IFIT2: variants seen among roughly 807,000 people sequenced by gnomAD.
IFIT2 encodes interferon induced protein with tetratricopeptide repeats 2, also known as interferon-induced protein with tetratricopeptide repeats 2.
In IFIT2, 3 loss-of-function variants were observed where a neutral mutation model predicts 2.5. That is an observed-to-expected ratio of 1.21 (90% CI 0.55 to 3.14). The LOEUF (loss-of-function observed/expected upper bound fraction) is 3.14, where lower values mean the gene tolerates loss of function less well. Ranked by LOEUF, IFIT2 falls within the 30% of genes most tolerant of loss-of-function variation. The pLI, the probability that IFIT2 is intolerant of heterozygous loss-of-function variation, is 0.03. For synonymous variants in IFIT2, 212 were observed against 200.7 expected (o/e 1.06, Z -0.48); for missense variants, 493 against 558.9 (o/e 0.88, Z 1.19).
chr10:89,303,691 A>G (rs1260240969), intron 1 of IFIT2, among the ~76,000 whole-genome samples: 2 of 152,234 alleles, frequency 1.3e-5, no homozygotes, highest in African/African-American at 4.8e-5. Context: ...TATGTTTTAT[A>G]TGGTGGAGAT....
rs1386761492 is a variant in IFIT2 at position 89,307,340 on chromosome 10, C to T, written c.1384C>T (p.Leu462Phe). 1 of 1,608,726 alleles carries T rather than the reference C, an allele frequency of 6.2e-7. No homozygotes were observed. The highest frequency in any genetic ancestry group is 8.5e-7 in the Non-Finnish European group (1 of 1,175,978). Residue 462 changes from leucine (L) to phenylalanine (F), a missense_variant, in exon 2 of 2, where the codon CTC becomes TTC. Physicochemically the swap from Leu to Phe is conservative, Grantham distance 22. Transcript: ENST00000371826. ...DSERGLESGS[L>F]IPSASSWNGE ...TGAGAGGGGTTTGGAGTCTGGAAGCCTCATCCCTTCAGCATCAAGCTGGAA... is the reference window on the plus strand; with the variant it reads ...TGAGAGGGGTTTGGAGTCTGGAAGCTTCATCCCTTCAGCATCAAGCTGGAA...
intron 1 of IFIT2, 121 bp downstream of exon 1, chr10:89,302,249 A>T (rs1256557542): frequency 9.9e-7 from 1 of 1,009,258 alleles, no homozygotes; most frequent in African/African-American, 1.6e-5. Context: ...TAGCCTTACT[A>T]TGCCTCTACC....
At position 89,306,193 on chromosome 10, in the gene IFIT2, G is replaced by C. The variant is rs1843477153; in HGVS notation, c.237G>C (p.Glu79Asp). 3 of 1,614,042 alleles carry C rather than the reference G, an allele frequency of 1.9e-6. No homozygotes were observed. Among genetic ancestry groups the C allele is most frequent in the Non-Finnish European group, 2.5e-6 (3 of 1,180,012 alleles). Residue 79 changes from glutamate (E) to aspartate (D), a missense_variant, in exon 2 of 2, where the codon GAG (glutamate) becomes GAC (aspartate). Glu to Asp is a conservative substitution (Grantham distance 45). Transcript: ENST00000371826. ...TGGAATGCTTACGTAAAGCTGAAGA[G>C]TTAATCCAGCAAGAGCATGCTGACC... ...AALECLRKAE[E>D]LIQQEHADQA...
In IFIT2 at chr10:89,306,008, T is replaced by C. The variant is rs1273519625; in HGVS notation, c.52T>C (p.Cys18Arg). ...SLESSLRQLK[C>R]HFTWNLMEGE... ...GGAGAGCAGCCTACGGCAACTAAAA[T>C]GCCATTTCACCTGGAACTTGATGGA... Residue 18 changes from cysteine to arginine, a missense_variant, in exon 2 of 2, where the codon TGC (cysteine) becomes CGC (arginine). Physicochemically the swap from Cys to Arg is radical, Grantham distance 180 (BLOSUM62 -3). Coordinates refer to ENST00000371826, the MANE Select transcript of IFIT2 (RefSeq NM_001547.5). 2 of 1,613,860 alleles carry C rather than the reference T, an allele frequency of 1.2e-6. No homozygotes were observed. The highest frequency in any genetic ancestry group is 1.3e-5 in the African/African-American group (1 of 74,906).
chr10:89,303,540 A>G (rs1297476049), intron 1 of IFIT2, among the ~76,000 whole-genome samples: 1 of 152,232 alleles, frequency 6.6e-6, no homozygotes, highest in Non-Finnish European at 1.5e-5. Context: ...AGTGTCTGGC[A>G]TCAGCTTCTC....
chr10:89,304,769 GT>G (rs1299395361), intron 1 of IFIT2, among the ~76,000 whole-genome samples: 1 of 151,610 alleles, frequency 6.6e-6, no homozygotes, highest in Non-Finnish European at 1.5e-5. Context: ...TTTTGTTGTT[GT>G]TTTGTTTTGT....
Position 89,307,532 on chromosome 10 carries a change from C to G in IFIT2, c.*157C>G. ...CAGGGTTATGTTAACACCTGAATTG[C>G]TGGGTCTTGAGAGAGCCCAAGGAGT... On this transcript the variant is annotated 3_prime_UTR_variant, in exon 2 of 2. Transcript: ENST00000371826. 1.6e-6 allele frequency: 1 copy of G among 632,202 alleles called. No homozygotes were observed. Among genetic ancestry groups the G allele is most frequent in the East Asian group, 2.8e-5 (1 of 35,394 alleles). The allele number at this position is 632,202 out of a possible 1,614,324, so 39.2% of individuals were successfully genotyped here. A position where few individuals can be genotyped will look rare whatever the true frequency, so the allele number is the denominator to read the frequency against.
At chr10:89,304,232 G>C (rs1589594837) in intron 1 of IFIT2, among the ~76,000 whole-genome samples, 2 of 152,324 alleles carry the variant, frequency 1.3e-5, no homozygotes, top group Non-Finnish European at 1.5e-5. Context: ...AAAGAGCCAG[G>C]TTGTCTAAGT....
At chr10:89,304,188 C>G (rs975955505) in intron 1 of IFIT2, among the ~76,000 whole-genome samples, 5 of 152,124 alleles carry the variant, frequency 3.3e-5, no homozygotes, top group Non-Finnish European at 7.4e-5. Flanking sequence ...AGGAAGGACC[C>G]GCCTTCCATT....
Position 89,306,373 on chromosome 10 carries a change from C to T in IFIT2, c.417C>T (p.Asp139=), listed in dbSNP as rs1385526862. ...SPYRIESPEL[D]CEEGWTRLKC... The stretch of plus-strand genomic sequence containing the variant: ...ATAGAATTGAGAGTCCAGAGCTTGA[C>T]TGTGAGGAAGGGTGGACACGGTTAA... Residue 139 remains aspartate (D), a synonymous_variant, in exon 2 of 2, where the codon GAC becomes GAT. Transcript: ENST00000371826. The T allele has an allele frequency of 2.0e-5, 33 of 1,614,094 alleles. No homozygotes were observed. Among genetic ancestry groups the T allele is most frequent in the Non-Finnish European group, 2.7e-5 (32 of 1,180,006 alleles).
chr10:89,302,978 T>A (rs1008133722), intron 1 of IFIT2, among the ~76,000 whole-genome samples: 1 of 151,484 alleles, frequency 6.6e-6, no homozygotes, highest in Admixed American at 6.6e-5. Context: ...ACGATATTAT[T>A]TCCTGCTAGT....
At position 89,306,185 on chromosome 10, in the gene IFIT2, G is replaced by T; in HGVS notation, c.229G>T (p.Ala77Ser). The T allele has an allele frequency of 6.2e-7, 1 of 1,614,148 alleles. No individual in the cohort carries two copies. Among genetic ancestry groups the T allele is most frequent in the Non-Finnish European group, 8.5e-7 (1 of 1,180,006 alleles). ...NEAALECLRK[A>S]EELIQQEHAD... is the part of the protein sequence containing the mutation. ...GGCAGCCCTGGAATGCTTACGTAAA[G>T]CTGAAGAGTTAATCCAGCAAGAGCA... Residue 77 changes from alanine (A) to serine (S), a missense_variant, in exon 2 of 2, where the codon GCT (alanine) becomes TCT (serine). By Grantham distance (99) the Ala-to-Ser change is moderately conservative. Coordinates refer to ENST00000371826, the MANE Select transcript of IFIT2 (RefSeq NM_001547.5).
Position 89,306,732 on chromosome 10 carries a change from G to GA in IFIT2, c.780dup (p.Asp261ArgfsTer2). The GA allele has an allele frequency of 1.2e-6, 2 of 1,614,102 alleles. No homozygotes were observed. The highest frequency in any genetic ancestry group is 1.7e-6 in the Non-Finnish European group (2 of 1,179,976). On this transcript the variant is annotated frameshift_variant, in exon 2 of 2. Coordinates refer to ENST00000371826, the MANE Select transcript of IFIT2 (RefSeq NM_001547.5). LOFTEE classifies it low-confidence loss of function (END_TRUNC). ...CGCAGTGCAGCCAAGTTTTATCGAA[G>GA]AAAAGATGAGCCAGACAAAGCGATT... is the stretch of plus-strand genomic sequence containing the variant.
intron 1 of IFIT2, among the ~76,000 whole-genome samples, chr10:89,302,927 C>T (rs1194177044): frequency 6.6e-6 from 1 of 151,526 alleles, no homozygotes; most frequent in Non-Finnish European, 1.5e-5. Flanking sequence ...TATGAGACAC[C>T]TTGCCCTCTG....
In IFIT2 at chr10:89,306,762, T is replaced by C; in HGVS notation, c.806T>C (p.Leu269Pro). The part of the protein sequence containing the change: ...RKDEPDKAIE[L>P]LKKALEYIPN... Reference sequence around the variant, plus strand: ...GATGAGCCAGACAAAGCGATTGAACTGCTTAAAAAGGCTTTAGAATACATA... The same window carrying C: ...GATGAGCCAGACAAAGCGATTGAACCGCTTAAAAAGGCTTTAGAATACATA... The change falls in exon 2 of 2, where the codon CTG (leucine) becomes CCG (proline). Residue 269 changes from leucine to proline, a missense_variant. Coordinates refer to ENST00000371826, the MANE Select transcript of IFIT2 (RefSeq NM_001547.5). 1 of 1,614,164 alleles carries C rather than the reference T, an allele frequency of 6.2e-7. No individual in the cohort carries two copies. The highest frequency in any genetic ancestry group is 8.5e-7 in the Non-Finnish European group (1 of 1,179,990).
In IFIT2 at chr10:89,308,375, G is replaced by A. The variant is rs995926147; in HGVS notation, c.*1000G>A. On this transcript the variant is annotated 3_prime_UTR_variant, in exon 2 of 2. Coordinates refer to ENST00000371826, the MANE Select transcript of IFIT2 (RefSeq NM_001547.5). The stretch of plus-strand genomic sequence containing the variant: ...CTGTTCAAATGCTTTCATGAACCTG[G>A]TTTGAGACGGTAGGAAAGCAACAAA... The A allele has an allele frequency of 1.3e-5, 2 of 152,166 alleles. No homozygotes were observed. The highest frequency in any genetic ancestry group is 2.9e-5 in the Non-Finnish European group (2 of 68,000). The allele number at this position is 152,166 out of a possible 1,614,324, so 9.4% of individuals were successfully genotyped here.
At position 89,306,539 on chromosome 10, in the gene IFIT2, A is replaced by G. The variant is rs1461904724; in HGVS notation, c.583A>G (p.Ile195Val). The change falls in exon 2 of 2, where the codon ATT becomes GTT. Residue 195 changes from isoleucine to valine, a missense_variant. Transcript: ENST00000371826. Reference sequence around the variant, plus strand: ...CAACTGGCCACCATCTCAGAACGCCATTGACCCTCTGAGGCAAGCCATTCG... The same window carrying G: ...CAACTGGCCACCATCTCAGAACGCCGTTGACCCTCTGAGGCAAGCCATTCG... ...LDNWPPSQNA[I>V]DPLRQAIRLN... 6.2e-7 allele frequency: 1 copy of G among 1,614,004 alleles called. No homozygotes were observed. The highest frequency in any genetic ancestry group is 1.3e-5 in the African/African-American group (1 of 74,932).
intron 1 of IFIT2, among the ~76,000 whole-genome samples, chr10:89,304,129 T>TAAAC (rs1194336268): frequency 6.6e-6 from 1 of 152,094 alleles, no homozygotes; most frequent in Non-Finnish European, 1.5e-5. Context: ...CCAGGCAGAA[T>TAAAC]AAACAAACAA....
intron 1 of IFIT2, among the ~76,000 whole-genome samples, chr10:89,304,162 A>G (rs1843463000): frequency 6.6e-6 from 1 of 152,166 alleles, no homozygotes; most frequent in Non-Finnish European, 1.5e-5. Context: ...AGGATGGAAA[A>G]TAGGCAGGAG....
Sources: allele counts gnomAD v4.1 joint callset (sites outside exome capture counted in the v4.1 genomes callset), GRCh38; gene constraint gnomAD v4.1.1; transcripts MANE v1.5; gene names NCBI Gene and HGNC (gene_info 2026-07-23, HGNC 2026-07-21).